IWS1: variants seen among roughly 807,000 people sequenced by gnomAD.
IWS1 encodes the protein interacts with SUPT6H, CTD assembly factor 1, also known as protein IWS1 homolog.
IWS1 carries 27 observed loss-of-function variants against 86.7 expected under a neutral mutation model. That is an observed-to-expected ratio of 0.31 (90% CI 0.23 to 0.43). The LOEUF (loss-of-function observed/expected upper bound fraction) is 0.43, where lower values mean the gene tolerates loss of function less well. IWS1 is among the 20% of genes least tolerant of loss of function. IWS1 has a pLI of 1.00. For synonymous variants in IWS1, 313 were observed against 335.1 expected (o/e 0.93, Z 0.72); for missense variants, 827 against 1,000.8 (o/e 0.83, Z 2.34).
intron 2 of IWS1, among the ~76,000 whole-genome samples, chr2:127,517,166 A>G (rs368864468): frequency 2.0e-5 from 3 of 152,344 alleles, no homozygotes; most frequent in African/African-American, 7.2e-5. Context: ...CCAAGATGGC[A>G]ATATTCCCCA....
Position 127,523,635 on chromosome 2 carries a change from G to A in IWS1, c.150+41C>T, listed in dbSNP as rs771223915. 14 of 1,296,960 alleles carry A rather than the reference G, an allele frequency of 1.1e-5. No individual in the cohort carries two copies. In the Admixed American group the frequency reaches 2.0e-4, roughly 18 times the overall value. The allele number at this position is 1,296,960 out of a possible 1,614,324, so 80.3% of individuals were successfully genotyped here. Reference sequence around the variant, plus strand: ...TATAATATAACAGATCTCACAGAACGCAAGGGAAAAGCCCTCCCAAAGATG... The same window carrying A: ...TATAATATAACAGATCTCACAGAACACAAGGGAAAAGCCCTCCCAAAGATG... On this transcript the variant is annotated intron_variant, in intron 2 of 13. Transcript: ENST00000295321.
intron 12 of IWS1, among the ~76,000 whole-genome samples, chr2:127,487,326 C>T (rs1302261020): frequency 1.3e-5 from 2 of 152,178 alleles, no homozygotes; most frequent in Non-Finnish European, 2.9e-5. Context: ...GTTTTACTTG[C>T]ACTCATTTAT....
chr2:127,487,557 A>G (rs1302764169), intron 12 of IWS1, among the ~76,000 whole-genome samples: 1 of 152,092 alleles, frequency 6.6e-6, no homozygotes, highest in African/African-American at 2.4e-5. Context: ...AGTTTACCCC[A>G]TTTTTAACCC....
intron 13 of IWS1, among the ~76,000 whole-genome samples, chr2:127,483,586 T>TGGGG (rs1558736777): frequency 1.2e-4 from 2 of 17,104 alleles, no homozygotes; most frequent in Admixed American, 8.1e-4. Context: ...CGGGGGGTGG[T>TGGGG]GGGGTGGGGG....
rs1689590526 is a variant in IWS1, at chr2:127,480,901, A to G, written c.*143T>C. 1 of 825,372 alleles carries G rather than the reference A, an allele frequency of 1.2e-6. No homozygotes were observed. The highest frequency in any genetic ancestry group is 1.8e-5 in the African/African-American group (1 of 56,822). The allele number at this position is 825,372 out of a possible 1,614,324, so 51.1% of individuals were successfully genotyped here. On this transcript the variant is annotated 3_prime_UTR_variant, in exon 14 of 14. Coordinates refer to ENST00000295321, the MANE Select transcript of IWS1 (RefSeq NM_017969.3). ...TACACAACGGTTTTAAATATAACTGAGAGAAATGTGAGTCCTATGACAACA... is the reference window on the plus strand; with the variant it reads ...TACACAACGGTTTTAAATATAACTGGGAGAAATGTGAGTCCTATGACAACA...
At chr2:127,515,097 C>A (rs1035137205) in intron 2 of IWS1, among the ~76,000 whole-genome samples, 2 of 152,228 alleles carry the variant, frequency 1.3e-5, no homozygotes, top group African/African-American at 4.8e-5. Flanking sequence ...ACAGTTTAAT[C>A]ACTCATTTTC....
chr2:127,482,337 A>G (rs150958583), intron 13 of IWS1: 146 of 152,290 alleles, frequency 9.6e-4, no homozygotes, highest in African/African-American at 3.3e-3. Flanking sequence ...CTTGACCAAG[A>G]GCCATGTTGA....
rs1690081195 is a variant in IWS1, at chr2:127,489,098, T to G, written c.2216+81A>C. On this transcript the variant is annotated intron_variant, in intron 12 of 13. Transcript: ENST00000295321. This position sits in a 1 kb window ranked among gnomAD's most constrained non-coding sequence, Gnocchi z 4.8. ...TCCCACAAATGAGAGCATAACATCA[T>G]TTCATTTACTACTTTTCTTAAAGCA... 2.0e-6 allele frequency: 2 copies of G among 985,772 alleles called. No individual in the cohort carries two copies. Among genetic ancestry groups the G allele is most frequent in the South Asian group, 2.8e-5 (2 of 70,456 alleles). 61.1% of individuals were successfully genotyped at this position (985,772 alleles called of 1,614,324 possible).
chr2:127,524,136 T>C (rs1204774078), intron 1 of IWS1, among the ~76,000 whole-genome samples: 1 of 152,230 alleles, frequency 6.6e-6, no homozygotes, highest in African/African-American at 2.4e-5. Context: ...CCTGAAGTTA[T>C]TTTGTTTAAC....
At position 127,499,094 on chromosome 2, in the gene IWS1, TC is replaced by T. The variant is rs1558751186; in HGVS notation, c.1468-858del. On this transcript the variant is annotated intron_variant, in intron 5 of 13. Coordinates refer to ENST00000295321, the MANE Select transcript of IWS1 (RefSeq NM_017969.3). This position sits in a 1 kb window ranked among gnomAD's most constrained non-coding sequence, Gnocchi z 4.0. ...ATTTGCCAGGCATAATTTTTCTTTT[TC>T]TTTTTTTTTTTTTGAGACGGAGTCT... 1.8e-4 allele frequency among the ~76,000 whole-genome samples: 2 copies of T among 11,374 alleles called. No homozygotes were observed. Among genetic ancestry groups the T allele is most frequent in the African/African-American group, 9.3e-4 (2 of 2,154 alleles). The allele number at this position is 11,374 out of a possible 152,430, so 7.5% of individuals were successfully genotyped here.
chr2:127,488,982 A>G (rs913490767), intron 12 of IWS1, among the ~76,000 whole-genome samples, 197 bp downstream of exon 12: 1 of 152,200 alleles, frequency 6.6e-6, no homozygotes, highest in Non-Finnish European at 1.5e-5. Context: ...TAAAATCTTT[A>G]TTGAATGAAT....
In IWS1 at chr2:127,518,325, A is replaced by G. The variant is rs1460651421; in HGVS notation, c.150+5351T>C. 1.3e-5 allele frequency among the ~76,000 whole-genome samples: 2 copies of G among 152,044 alleles called. 1 individual carries two copies. Among genetic ancestry groups the G allele is most frequent in the Middle Eastern group, 6.3e-3 (2 of 316 alleles). On this transcript the variant is annotated intron_variant, in intron 2 of 13. Coordinates refer to ENST00000295321, the MANE Select transcript of IWS1 (RefSeq NM_017969.3). ...GAGCTCAGGGGCTTGACATCACCCT[A>G]GGCAACATGGCAAAACCCCATTGCT...
Position 127,505,059 on chromosome 2 carries a change from G to C in IWS1, c.844C>G (p.Pro282Ala), listed in dbSNP as rs751339589. 1.9e-6 allele frequency: 3 copies of C among 1,612,142 alleles called. No individual in the cohort carries two copies. Among genetic ancestry groups the C allele is most frequent in the Admixed American group, 1.7e-5 (1 of 59,516 alleles). The stretch of plus-strand genomic sequence containing the variant: ...TCCGAATCACTGGCCTGGTTCCTTG[G>C]GGGATCCTCACTTTCCGAATCACTG... ...RISDSESEDPPRNQASDSENE... is the reference protein window; with the variant it reads ...RISDSESEDPARNQASDSENE... Residue 282 changes from proline to alanine, a missense_variant, in exon 3 of 14, where the codon CCA (proline) becomes GCA (alanine). This residue lies in a region of IWS1 where 548 missense variants were observed against 560.2 expected (regional missense o/e 0.98). Coordinates refer to ENST00000295321, the MANE Select transcript of IWS1 (RefSeq NM_017969.3). This position sits in a 1 kb window ranked among gnomAD's most constrained non-coding sequence, Gnocchi z 5.0.
chr2:127,482,077 A>G (rs1391256856), intron 13 of IWS1, among the ~76,000 whole-genome samples: 1 of 152,224 alleles, frequency 6.6e-6, no homozygotes, highest in African/African-American at 2.4e-5. Flanking sequence ...TTGTAAAACA[A>G]TTCAGATGTT....
intron 8 of IWS1, 118 bp from the exon 9 acceptor site, chr2:127,493,528 A>G (rs908395053): frequency 1.1e-6 from 1 of 885,940 alleles, no homozygotes; most frequent in Non-Finnish European, 1.6e-6. Flanking sequence ...ACTCATATAA[A>G]TTTGACATTT....
chr2:127,485,956 T>C (rs1369080013), intron 13 of IWS1: 1 of 153,762 alleles, frequency 6.5e-6, no homozygotes, highest in Non-Finnish European at 1.4e-5. Context: ...CACGATGCAC[T>C]TTGCTGAGTC....
rs1001037991 is a variant in IWS1, at chr2:127,505,940, G to T, written c.151-188C>A. On this transcript the variant is annotated intron_variant, in intron 2 of 13. Transcript: ENST00000295321. The surrounding 1 kb of genome is among the most constrained non-coding windows in gnomAD (Gnocchi z 5.0). The stretch of plus-strand genomic sequence containing the variant: ...CCAATCAGTGAAATGGTTTTATTTG[G>T]ATCCCCAAATGGGGAAATATAACCA... 2 of 461,316 alleles carry T rather than the reference G, an allele frequency of 4.3e-6. No individual in the cohort carries two copies. The highest frequency in any genetic ancestry group is 3.8e-6 in the Non-Finnish European group (1 of 264,474). The allele number at this position is 461,316 out of a possible 1,614,324, so 28.6% of individuals were successfully genotyped here. A position where few individuals can be genotyped will look rare whatever the true frequency, so the allele number is the denominator to read the frequency against.
intron 5 of IWS1, among the ~76,000 whole-genome samples, chr2:127,500,480 C>T (rs2104690878): frequency 6.6e-6 from 1 of 152,162 alleles, no homozygotes; most frequent in South Asian, 2.1e-4. Context: ...ACCTCTTTAT[C>T]TTAAGTACTT....
chr2:127,509,844 A>T (rs192120971), intron 2 of IWS1, among the ~76,000 whole-genome samples: 1 of 152,322 alleles, frequency 6.6e-6, no homozygotes, highest in African/African-American at 2.4e-5. Context: ...ACAAAGAATA[A>T]CCACACTTCT....
Sources: gnomAD v4.1 joint callset for allele counts (sites outside exome capture counted in the v4.1 genomes callset) on GRCh38, gnomAD v4.1.1 for gene constraint, gnomAD v4.1.1 regional missense constraint, Gnocchi (gnomAD v3.1) non-coding constraint, MANE v1.5 for transcripts, NCBI Gene and HGNC (gene_info 2026-07-23, HGNC 2026-07-21) for gene names.